Variants in LAP3 observed in about 807,000 individuals in gnomAD.
LAP3 encodes the protein leucine aminopeptidase 3, also known as cytosol aminopeptidase.
LAP3 carries 46 observed loss-of-function variants against 58.8 expected under a neutral mutation model. That is an observed-to-expected ratio of 0.78 (90% CI 0.62 to 1.00). The LOEUF (loss-of-function observed/expected upper bound fraction) is 1.00, where lower values mean the gene tolerates loss of function less well. LAP3 is among the 50% of genes least tolerant of loss of function. The pLI is 0.00. For missense variants in LAP3, 615 were observed against 659.1 expected (o/e 0.93, Z 0.73); for synonymous variants, 257 against 237.7 (o/e 1.08, Z -0.75).
chr4:17,588,867 G>T lies in LAP3; in HGVS notation c.753G>T (p.Val251=). ...AGGCAATGGGATCATTCCTCAGTGT[G>T]GCCAAAGGATCTGACGAGCCCCCAG... is the stretch of plus-strand genomic sequence containing the variant. ...EEQAMGSFLS[V]AKGSDEPPVF... The change falls in exon 7 of 13, where the codon GTG becomes GTT. Residue 251 remains valine, a synonymous_variant. Coordinates refer to ENST00000226299, the MANE Select transcript of LAP3 (RefSeq NM_015907.3). 1 of 1,614,098 alleles carries T rather than the reference G, an allele frequency of 6.2e-7. No homozygotes were observed. Among genetic ancestry groups the T allele is most frequent in the Non-Finnish European group, 8.5e-7 (1 of 1,180,010 alleles).
At chr4:17,606,628 G>C (rs1714149573) in intron 11 of LAP3, among the ~76,000 whole-genome samples, 1 of 152,216 alleles carries the variant, frequency 6.6e-6, no homozygotes, top group Non-Finnish European at 1.5e-5. Context: ...GTGAGCCACT[G>C]TCCCCAGCCT....
chr4:17,584,856 TTTTG>T, intron 5 of LAP3, 112 bp from the exon 6 acceptor site: 3 of 1,010,584 alleles, frequency 3.0e-6, no homozygotes, highest in Non-Finnish European at 4.3e-6. Flanking sequence ...TGCCAATTGT[TTTTG>T]ATTTGTAGTC....
chr4:17,578,340 G>C (rs1006712115), intron 1 of LAP3, among the ~76,000 whole-genome samples: 4 of 152,226 alleles, frequency 2.6e-5, no homozygotes, highest in African/African-American at 9.6e-5. Flanking sequence ...AGCCTACCCA[G>C]ATAACAGTTG....
At chr4:17,597,430 C>T (rs1310580195) in intron 9 of LAP3, among the ~76,000 whole-genome samples, 3 of 152,136 alleles carry the variant, frequency 2.0e-5, no homozygotes, top group Non-Finnish European at 4.4e-5. Context: ...GTGCGTGCCA[C>T]CATGCCTGGC....
In LAP3 at chr4:17,604,997, G is replaced by A. The variant is rs531923333; in HGVS notation, c.1260+330G>A. 5.9e-5 allele frequency among the ~76,000 whole-genome samples: 9 copies of A among 152,198 alleles called. No individual in the cohort carries two copies. In the South Asian group the frequency reaches 6.2e-4, roughly 11 times the overall value. ...TTTGTGGAGCAGCGTTTGTGACTGC[G>A]TGTCGTGAGTCATATAAGGGAGTTC... On this transcript the variant is annotated intron_variant, in intron 11 of 12. Coordinates refer to ENST00000226299, the MANE Select transcript of LAP3 (RefSeq NM_015907.3).
intron 9 of LAP3, 24 bp downstream of exon 9, chr4:17,597,158 C>G (rs767003217): frequency 4.4e-6 from 7 of 1,588,036 alleles, no homozygotes; most frequent in South Asian, 2.2e-5. Flanking sequence ...AGACACAGCA[C>G]TCCCCATCCA....
chr4:17,579,041 T>C (rs971194462), intron 1 of LAP3, among the ~76,000 whole-genome samples: 2 of 152,218 alleles, frequency 1.3e-5, no homozygotes, highest in Non-Finnish European at 2.9e-5. Context: ...GATACAGATT[T>C]TATTTACTAT....
intron 2 of LAP3, among the ~76,000 whole-genome samples, chr4:17,581,447 A>G (rs1017858310): frequency 2.0e-5 from 3 of 152,170 alleles, no homozygotes; most frequent in Non-Finnish European, 4.4e-5. Flanking sequence ...TGGGCTGGGC[A>G]CGGTAGATCA....
At chr4:17,602,676 A>G (rs1714009163) in intron 10 of LAP3, among the ~76,000 whole-genome samples, 2 of 152,076 alleles carry the variant, frequency 1.3e-5, no homozygotes, top group African/African-American at 4.8e-5. Flanking sequence ...ACATTTGTTT[A>G]TAAAAGAGGA....
chr4:17,588,492 T>G (rs573218210), intron 6 of LAP3, among the ~76,000 whole-genome samples: 45 of 152,146 alleles, frequency 3.0e-4, no homozygotes, highest in Non-Finnish European at 5.7e-4. Flanking sequence ...CTGAGTAGAT[T>G]GGAGAGAGGA....
At chr4:17,603,826 CTTTCTTTCTTTTTTT>C (rs1328684431) in intron 10 of LAP3, among the ~76,000 whole-genome samples, 1 of 138,294 alleles carries the variant, frequency 7.2e-6, no homozygotes, top group Non-Finnish European at 1.5e-5. Context: ...TTTTTTTTTT[CTTTCTTTCTTTTTTT>C]TTTGAGACAG....
intron 5 of LAP3, among the ~76,000 whole-genome samples, chr4:17,584,065 G>A (rs1024880885): frequency 1.3e-5 from 2 of 152,244 alleles, no homozygotes; most frequent in African/African-American, 4.8e-5. Flanking sequence ...TGGGCTAGTG[G>A]GGTCCCTGCC....
intron 9 of LAP3, 81 bp from the exon 10 acceptor site, chr4:17,598,375 T>C: frequency 9.8e-7 from 1 of 1,024,232 alleles, no homozygotes; most frequent in Non-Finnish European, 1.5e-6. Flanking sequence ...TTCCAACTTT[T>C]CCGTCGAACA....
chr4:17,581,652 T>C lies in LAP3; in HGVS notation c.219-108T>C, dbSNP rs1039343293. ...ATAAAAACATAAGTGAAAAAGACCA[T>C]GGAAGCAGTTAGCAGAATAGTGTGA... On this transcript the variant is annotated intron_variant, in intron 2 of 12. Transcript: ENST00000226299. 3 of 738,648 alleles carry C rather than the reference T, an allele frequency of 4.1e-6. No homozygotes were observed. In the Admixed American group the frequency reaches 7.1e-5, roughly 17 times the overall value. 45.8% of individuals were successfully genotyped at this position (738,648 alleles called of 1,614,324 possible). A position where few individuals can be genotyped will look rare whatever the true frequency, so the allele number is the denominator to read the frequency against.
At chr4:17,600,114 C>G (rs1374373639) in intron 10 of LAP3, among the ~76,000 whole-genome samples, 1 of 152,178 alleles carries the variant, frequency 6.6e-6, no homozygotes, top group Non-Finnish European at 1.5e-5. Flanking sequence ...AGTAATTCAT[C>G]CTGACTCTAC....
Position 17,581,750 on chromosome 4 carries a change from CTT to C in LAP3, c.219-9_219-8del. ...ACTTGTTTTAAAACGACTATTTCCT[CTT>C]GTTTTAGATCTGGACCACCTCTGAA... On this transcript the variant is annotated splice_polypyrimidine_tract_variant and splice_region_variant and intron_variant, in intron 2 of 12. Transcript: ENST00000226299. 1.9e-6 allele frequency: 3 copies of C among 1,612,162 alleles called. No individual in the cohort carries two copies. Among genetic ancestry groups the C allele is most frequent in the Non-Finnish European group, 2.5e-6 (3 of 1,178,530 alleles).
chr4:17,595,577 C>G (rs1713809570), intron 8 of LAP3, 43 bp downstream of exon 8: 3 of 1,596,908 alleles, frequency 1.9e-6, no homozygotes, highest in Non-Finnish European at 2.6e-6. Context: ...CTTCTGGATT[C>G]TAGCCAGGTG....
Position 17,585,074 on chromosome 4 carries a change from A to G in LAP3, c.642A>G (p.Arg214=). 1.2e-6 allele frequency: 2 copies of G among 1,614,038 alleles called. No individual in the cohort carries two copies. The highest frequency in any genetic ancestry group is 1.7e-6 in the Non-Finnish European group (2 of 1,179,926). ...ETPANEMTPT[R]FAEIIEKNLK... ...CAGCCAATGAGATGACGCCAACCAG[A>G]TTTGCTGAAATTATTGAGAAGAATC... is the stretch of plus-strand genomic sequence containing the variant. The change falls in exon 6 of 13, where the codon AGA becomes AGG. Residue 214 remains arginine, a synonymous_variant. Transcript: ENST00000226299.
chr4:17,592,923 C>T lies in LAP3; in HGVS notation c.864-2487C>T, dbSNP rs555002726. ...AAGCAATTCTCCTGCCTCAGCCTCC[C>T]GAGTAGCCGGGACTATAGGCACACA... On this transcript the variant is annotated intron_variant, in intron 7 of 12. Transcript: ENST00000226299. Among the ~76,000 whole-genome samples, 78 of 152,310 alleles carry T rather than the reference C, an allele frequency of 5.1e-4. No individual in the cohort carries two copies. In the South Asian group the frequency reaches 0.015, roughly 30 times the overall value.
Sources: allele counts gnomAD v4.1 joint callset (sites outside exome capture counted in the v4.1 genomes callset), GRCh38; gene constraint gnomAD v4.1.1; transcripts MANE v1.5; gene names NCBI Gene and HGNC (gene_info 2026-07-23, HGNC 2026-07-21).